ACACA: variants seen among roughly 807,000 people sequenced by gnomAD.
ACACA encodes acetyl-CoA carboxylase 1.
Under a neutral mutation model 296.1 loss-of-function variants are expected in ACACA, and 103 were observed. That is an observed-to-expected ratio of 0.35 (90% confidence interval 0.30 to 0.41). The LOEUF (loss-of-function observed/expected upper bound fraction) is 0.41, where lower values mean the gene tolerates loss of function less well. ACACA is among the 10% of genes least tolerant of loss of function. The pLI, the probability that ACACA is intolerant of heterozygous loss-of-function variation, is 1.00. For missense variants in ACACA, 1,554 were observed against 2,989.7 expected (o/e 0.52, Z 11.20); for synonymous variants, 953 against 1,038.6 (o/e 0.92, Z 1.58).
chr17:37,279,406 G>A (rs1270800827), intron 5 of ACACA, among the ~76,000 whole-genome samples: 1 of 151,982 alleles, frequency 6.6e-6, no homozygotes, highest in Non-Finnish European at 1.5e-5. Flanking sequence ...AGGCTGAGGT[G>A]GGCGGATCAC....
At position 37,324,360 on chromosome 17, in the gene ACACA, C is replaced by CT. The variant is rs530407646; in HGVS notation, c.338+5812dup. On this transcript the variant is annotated intron_variant, in intron 3 of 55. Coordinates refer to ENST00000616317, the MANE Select transcript of ACACA (RefSeq NM_198834.3). ...TGGCCTGGGCAACAAGAGCGAAACT[C>CT]TGTCTCAAAAAAATTAATAAATAAG... 6.9e-3 allele frequency among the ~76,000 whole-genome samples: 1,042 copies of CT among 151,150 alleles called. 4 individuals carry two copies. Among genetic ancestry groups the CT allele is most frequent in the African/African-American group, 0.022 (907 of 41,124 alleles).
At chr17:37,299,452 T>G (rs2083512357) in intron 3 of ACACA, 1 of 1,579,584 alleles carries the variant, frequency 6.3e-7, no homozygotes, top group Admixed American at 1.8e-5. Flanking sequence ...TACTGTGCCT[T>G]CTGCCTGGCT....
At chr17:37,324,944 C>T (rs2047533672) in intron 3 of ACACA, among the ~76,000 whole-genome samples, 1 of 150,338 alleles carries the variant, frequency 6.7e-6, no homozygotes, top group Non-Finnish European at 1.5e-5. Flanking sequence ...TGGCTCACAC[C>T]TGTAACCCAG....
At chr17:37,258,490 T>G in intron 12 of ACACA, 117 bp from the exon 13 acceptor site, 1 of 934,654 alleles carries the variant, frequency 1.1e-6, no homozygotes, top group Non-Finnish European at 1.7e-6. Context: ...AACATTCTAT[T>G]TTTATAACCT....
rs1394120722 is a variant in ACACA at position 37,253,032 on chromosome 17, T to C, written c.1831A>G (p.Met611Val). The change falls in exon 15 of 56, where the codon ATG becomes GTG. Residue 611 changes from methionine to valine, a missense_variant. Physicochemically the swap from Met to Val is conservative, Grantham distance 21. This residue lies in a region of ACACA where 35 missense variants were observed against 139.4 expected (regional missense o/e 0.25). Transcript: ENST00000616317. ...GENREEAISNMVVALKELSIR... is the reference protein window; with the variant it reads ...GENREEAISNVVVALKELSIR... ...GACAGCTCCTTCAAAGCCACCACCA[T>C]GTTTCTGGGAGAACAGAAGCCAATC... 6.2e-7 allele frequency: 1 copy of C among 1,614,226 alleles called. No individual in the cohort carries two copies. Among genetic ancestry groups the C allele is most frequent in the South Asian group, 1.1e-5 (1 of 91,086 alleles).
intron 2 of ACACA, among the ~76,000 whole-genome samples, chr17:37,332,980 G>A (rs2030314): frequency 6.6e-6 from 1 of 151,252 alleles, no homozygotes; most frequent in Admixed American, 6.6e-5. Context: ...GACTGATCCC[G>A]ACCTCAACTT....
intron 25 of ACACA, among the ~76,000 whole-genome samples, chr17:37,229,485 A>G (rs2079736650): frequency 6.6e-6 from 1 of 151,430 alleles, no homozygotes; most frequent in African/African-American, 2.4e-5. Context: ...TTGTATTTTT[A>G]GTAGAGATGG....
intron 9 of ACACA, among the ~76,000 whole-genome samples, chr17:37,272,209 T>C (rs2082100126): frequency 1.3e-5 from 2 of 151,976 alleles, no homozygotes; most frequent in African/African-American, 4.8e-5. Flanking sequence ...CTGGGCATGG[T>C]GGCGGTAACC....
At chr17:37,358,917 C>G in intron 1 of ACACA, 1 of 981,148 alleles carries the variant, frequency 1.0e-6, no homozygotes, top group Non-Finnish European at 1.2e-6. Flanking sequence ...TGGGAGGCGG[C>G]CCCCTGCCTG....
At chr17:37,384,509 C>A (rs1385237544) in intron 1 of ACACA, among the ~76,000 whole-genome samples, 1 of 152,016 alleles carries the variant, frequency 6.6e-6, no homozygotes, top group Non-Finnish European at 1.5e-5. Context: ...CTTCACAACA[C>A]CCCTGTGAAA....
chr17:37,120,545 G>A (rs1319248232), intron 50 of ACACA, among the ~76,000 whole-genome samples: 4 of 152,136 alleles, frequency 2.6e-5, no homozygotes, highest in African/African-American at 7.2e-5. Flanking sequence ...GATTACAGGC[G>A]TGAGCCACCC....
At chr17:37,394,534 T>G (rs1320968397) in intron 1 of ACACA, among the ~76,000 whole-genome samples, 1 of 151,780 alleles carries the variant, frequency 6.6e-6, no homozygotes, top group Non-Finnish European at 1.5e-5. Context: ...CTGTTTCTAT[T>G]GCAAGTTCTT....
rs369243836 is a variant in ACACA at position 37,275,902 on chromosome 17, T to C, written c.901+49A>G. 11 of 1,483,500 alleles carry C rather than the reference T, an allele frequency of 7.4e-6. No homozygotes were observed. The African/African-American group carries it at 1.4e-4, about 19-fold the overall frequency. 91.9% of individuals were successfully genotyped at this position (1,483,500 alleles called of 1,614,324 possible). On this transcript the variant is annotated intron_variant, in intron 8 of 55. Coordinates refer to ENST00000616317, the MANE Select transcript of ACACA (RefSeq NM_198834.3). The stretch of plus-strand genomic sequence containing the variant: ...CAAAAGAGGTAAGTCCCAAATATCC[T>C]ACTGAGCTATTCTGTACTTCAAGAT...
At chr17:37,222,064 T>G (rs1271083111) in intron 28 of ACACA, 4 of 571,186 alleles carry the variant, frequency 7.0e-6, no homozygotes, top group Non-Finnish European at 6.2e-6. Flanking sequence ...AGGCTGCCTC[T>G]GCTGGACACC....
chr17:37,392,309 A>G (rs2050917104), intron 1 of ACACA: 1 of 152,442 alleles, frequency 6.6e-6, no homozygotes, highest in South Asian at 2.1e-4. Context: ...GACCATTAGT[A>G]CCCAAGTGAA....
chr17:37,148,865 G>A (rs2075923505), intron 45 of ACACA, among the ~76,000 whole-genome samples: 1 of 152,030 alleles, frequency 6.6e-6, no homozygotes, highest in South Asian at 2.1e-4. Flanking sequence ...GTAGAACTAG[G>A]TACTTTTACT....
chr17:37,193,465 C>A, intron 35 of ACACA, 50 bp from the exon 36 acceptor site: 1 of 1,384,974 alleles, frequency 7.2e-7, no homozygotes, highest in Non-Finnish European at 1.0e-6. Context: ...AGACATGGCT[C>A]TTTGAGAACA....
At chr17:37,224,796 A>C (rs2079462490) in intron 27 of ACACA, among the ~76,000 whole-genome samples, 196 bp downstream of exon 27, 1 of 152,082 alleles carries the variant, frequency 6.6e-6, no homozygotes, top group South Asian at 2.1e-4. Flanking sequence ...GCTAAACCAC[A>C]ATTCTAACAG....
At chr17:37,164,566 G>A (rs905524641) in intron 41 of ACACA, among the ~76,000 whole-genome samples, 8 of 152,062 alleles carry the variant, frequency 5.3e-5, no homozygotes, top group Non-Finnish European at 1.2e-4. Context: ...GACAGAGAAA[G>A]GAAGGAAAAA....
Sources: gnomAD v4.1 joint callset for allele counts (sites outside exome capture counted in the v4.1 genomes callset) on GRCh38, gnomAD v4.1.1 for gene constraint, gnomAD v4.1.1 regional missense constraint, MANE v1.5 for transcripts, NCBI Gene and HGNC (gene_info 2026-07-23, HGNC 2026-07-21) for gene names.